The following DHRSX variants were observed in gnomAD, a reference collection of about 807,000 sequenced individuals.
The protein encoded by DHRSX is polyprenol dehydrogenase.
DHRSX carries 31 observed loss-of-function variants against 34.0 expected under a neutral mutation model. That is an observed-to-expected ratio of 0.91 (90% CI 0.69 to 1.23). DHRSX has a LOEUF of 1.23. DHRSX is among the 50% of genes most tolerant of loss of function. The pLI is 0.00. For synonymous variants in DHRSX, 201 were observed against 183.8 expected (o/e 1.09, Z -0.76); for missense variants, 414 against 428.1 (o/e 0.97, Z 0.29).
intron 6 of DHRSX, among the ~76,000 whole-genome samples, chrX:2,224,414 G>A (rs968573875): frequency 3.3e-5 from 5 of 152,118 alleles, no homozygotes; most frequent in African/African-American, 1.2e-4. Flanking sequence ...GAGTTCTTGG[G>A]CTATGCATAT....
intron 2 of DHRSX, among the ~76,000 whole-genome samples, chrX:2,416,757 T>A (rs2043699467): frequency 1.3e-5 from 2 of 152,186 alleles, no homozygotes; most frequent in African/African-American, 2.4e-5. Flanking sequence ...CAGATGGGAA[T>A]TTGAACAACT....
At chrX:2,301,392 G>A (rs965225019) in intron 3 of DHRSX, among the ~76,000 whole-genome samples, 12 of 152,094 alleles carry the variant, frequency 7.9e-5, no homozygotes, top group Non-Finnish European at 1.3e-4. Context: ...CCAGCCTGGT[G>A]ACAGTGCCAG....
chrX:2,248,161 C>T (rs142213400), intron 5 of DHRSX, among the ~76,000 whole-genome samples: 3,953 of 151,994 alleles, frequency 0.026, 191 homozygotes, highest in African/African-American at 0.09. Context: ...AGGCCGGGCA[C>T]GGTGGCTCAC....
At chrX:2,377,822 T>G (rs1421931372) in intron 3 of DHRSX, among the ~76,000 whole-genome samples, 2 of 151,288 alleles carry the variant, frequency 1.3e-5, no homozygotes, top group African/African-American at 4.9e-5. Flanking sequence ...CACTGCAACC[T>G]CCGCCTCCCG....
At chrX:2,265,570 C>T (rs2041444673) in intron 5 of DHRSX, among the ~76,000 whole-genome samples, 1 of 138,510 alleles carries the variant, frequency 7.2e-6, no homozygotes, top group Admixed American at 7.2e-5. Flanking sequence ...TCAGCAGATG[C>T]AGGGAGCACT....
chrX:2,294,939 G>C, intron 3 of DHRSX, among the ~76,000 whole-genome samples: 1 of 152,230 alleles, frequency 6.6e-6, no homozygotes, highest in East Asian at 1.9e-4. Context: ...GAAATGGAGA[G>C]GATTTGGAGA....
intron 3 of DHRSX, among the ~76,000 whole-genome samples, chrX:2,313,314 AT>A (rs2042186381): frequency 1.3e-5 from 2 of 151,430 alleles, no homozygotes; most frequent in African/African-American, 4.8e-5. Flanking sequence ...GGCCCAAGAT[AT>A]CCCTTTTTAG....
rs757197315 is a variant in DHRSX, at chrX:2,475,997, G to A, written c.109+24820C>T. Among the ~76,000 whole-genome samples, 13 of 152,264 alleles carry A rather than the reference G, an allele frequency of 8.5e-5. No homozygotes were observed. In the South Asian group the frequency reaches 2.5e-3, roughly 29 times the overall value. ...CCACTTGATTCACACCAAGGAAGAC[G>A]TCTTTAACATACAAAATCAGGCTGT... is the stretch of plus-strand genomic sequence containing the variant. On this transcript the variant is annotated intron_variant, in intron 1 of 6. Coordinates refer to ENST00000334651, the MANE Select transcript of DHRSX (RefSeq NM_145177.3).
chrX:2,222,981 T>A (rs2124390782), intron 6 of DHRSX, among the ~76,000 whole-genome samples: 1 of 152,286 alleles, frequency 6.6e-6, no homozygotes, highest in Admixed American at 6.5e-5. Context: ...TCCCACTGAC[T>A]TGCCTCTGCT....
intron 3 of DHRSX, among the ~76,000 whole-genome samples, chrX:2,314,465 GGGGAGAAGGA>G (rs2042214720): frequency 2.8e-5 from 2 of 70,966 alleles, no homozygotes; most frequent in Non-Finnish European, 6.3e-5. Context: ...GAGGAAGGAA[GGGGAGAAGGA>G]AGGAAGGAAG....
Position 2,399,469 on chromosome X carries a change from G to A in DHRSX, c.286+9276C>T, listed in dbSNP as rs2043457450. On this transcript the variant is annotated intron_variant, in intron 3 of 6. Transcript: ENST00000334651. ...CGCCTGTAATCCCAGCACTTCGGGA[G>A]GCCAAGGCAGGCAGATCACAAAGTC... is the stretch of plus-strand genomic sequence containing the variant. Among the ~76,000 whole-genome samples the A allele has an allele frequency of 2.0e-5, 3 of 151,096 alleles. No individual in the cohort carries two copies. In the South Asian group the frequency reaches 6.2e-4, roughly 31 times the overall value.
intron 1 of DHRSX, among the ~76,000 whole-genome samples, chrX:2,444,270 G>A (rs905223151): frequency 3.9e-5 from 6 of 152,110 alleles, no homozygotes; most frequent in Admixed American, 3.9e-4. Context: ...TGATAATTCT[G>A]CAAGCACACA....
intron 5 of DHRSX, among the ~76,000 whole-genome samples, chrX:2,249,960 G>A (rs1427838114): frequency 2.6e-5 from 4 of 151,736 alleles, no homozygotes; most frequent in East Asian, 2.0e-4. Context: ...TCAGGAGATC[G>A]AGACCATCCT....
intron 5 of DHRSX, among the ~76,000 whole-genome samples, chrX:2,260,866 T>A (rs1442702768): frequency 6.6e-6 from 1 of 152,178 alleles, no homozygotes; most frequent in Admixed American, 6.5e-5. Context: ...CTAAATTAGG[T>A]CTCAATTATA....
chrX:2,390,101 A>C (rs2043317535), intron 3 of DHRSX, among the ~76,000 whole-genome samples: 2 of 147,446 alleles, frequency 1.4e-5, no homozygotes, highest in South Asian at 4.3e-4. Context: ...AATAATTTTT[A>C]ATTGTGGAAA....
At chrX:2,452,491 C>T (rs2044237580) in intron 1 of DHRSX, among the ~76,000 whole-genome samples, 1 of 150,012 alleles carries the variant, frequency 6.7e-6, no homozygotes, top group African/African-American at 2.5e-5. Flanking sequence ...CGTTCCCTAA[C>T]CATGCGCCCA....
chrX:2,319,797 C>A (rs2042286222), intron 3 of DHRSX, among the ~76,000 whole-genome samples: 1 of 151,868 alleles, frequency 6.6e-6, no homozygotes, highest in Non-Finnish European at 1.5e-5. Flanking sequence ...AGGTCAGTAC[C>A]CCTAACCCCC....
At chrX:2,481,079 T>C (rs1478629661) in intron 1 of DHRSX, among the ~76,000 whole-genome samples, 1 of 152,164 alleles carries the variant, frequency 6.6e-6, no homozygotes. Context: ...AGCTTGATTA[T>C]TGATATGTTA....
intron 3 of DHRSX, among the ~76,000 whole-genome samples, chrX:2,368,136 A>G (rs2043015779): frequency 1.3e-5 from 2 of 151,696 alleles, no homozygotes; most frequent in East Asian, 1.9e-4. Context: ...CCAGCTACTC[A>G]GGAGGCTGAG....
Sources: allele counts gnomAD v4.1 joint callset (sites outside exome capture counted in the v4.1 genomes callset), GRCh38; gene constraint gnomAD v4.1.1; transcripts MANE v1.5; gene names NCBI Gene and HGNC (gene_info 2026-07-23, HGNC 2026-07-21).